The following PCDHA7 variants were observed in gnomAD, a reference collection of about 807,000 sequenced individuals.
PCDHA7 encodes the protein protocadherin alpha-7.
In PCDHA7, 37 loss-of-function variants were observed where a neutral mutation model predicts 57.2. That is an observed-to-expected ratio of 0.65 (90% CI 0.50 to 0.85). The LOEUF (loss-of-function observed/expected upper bound fraction) is 0.85. Ranked by LOEUF, PCDHA7 falls within the 40% of genes least tolerant of loss-of-function variation. The probability of loss-of-function intolerance (pLI) is 0.00; values close to 1 mark genes in which losing one functional copy is unlikely to be tolerated. For synonymous variants in PCDHA7, 553 were observed against 558.8 expected, an observed-to-expected ratio of 0.99 and a Z score of 0.15; for missense variants, 1,188 against 1,241.8, an observed-to-expected ratio of 0.96 and a Z score of 0.65.
At position 141,010,228 on chromosome 5, in the gene PCDHA7, C is replaced by T. The variant is rs1290626143; in HGVS notation, c.*291C>T. The stretch of plus-strand genomic sequence containing the variant: ...CCGCAAAGGAGAGGCTTCCCAGCCC[C>T]GCCAGTGAGAGGTTGGACTCTCTGC... On this transcript the variant is annotated 3_prime_UTR_variant, in exon 4 of 4. Coordinates refer to ENST00000525929, the MANE Select transcript of PCDHA7 (RefSeq NM_018910.3). 35 of 1,551,916 alleles carry T rather than the reference C, an allele frequency of 2.3e-5. No homozygotes were observed. The highest frequency in any genetic ancestry group is 2.8e-5 in the Non-Finnish European group (32 of 1,147,054).
rs991591970 is a variant in PCDHA7, at chr5:140,855,546, A to G, written c.2355+18808A>G. Reference sequence around the variant, plus strand: ...GAAAGAGAAGTAAGTTAAGTGTCAGAACTTAAATGGAACTAAAGTTGTCAT... The same window carrying G: ...GAAAGAGAAGTAAGTTAAGTGTCAGGACTTAAATGGAACTAAAGTTGTCAT... On this transcript the variant is annotated intron_variant, in intron 1 of 3. Coordinates refer to ENST00000525929, the MANE Select transcript of PCDHA7 (RefSeq NM_018910.3). Among the ~76,000 whole-genome samples the G allele has an allele frequency of 1.2e-4, 18 of 150,024 alleles. 2 individuals carry two copies. The highest frequency in any genetic ancestry group is 1.8e-4 in the Non-Finnish European group (12 of 67,114).
At chr5:140,979,175 A>C in intron 2 of PCDHA7, 168 bp downstream of exon 2, 8 of 951,628 alleles carry the variant, frequency 8.4e-6, no homozygotes, top group Non-Finnish European at 1.0e-5. Flanking sequence ...AAAGATCGCA[A>C]ATGGTCAGTG....
chr5:140,928,217 C>T, intron 1 of PCDHA7: 2 of 1,614,212 alleles, frequency 1.2e-6, no homozygotes, highest in Non-Finnish European at 1.7e-6. Flanking sequence ...AATGACAATA[C>T]ACCAAACTTT....
chr5:140,883,336 A>G, intron 1 of PCDHA7: 1 of 1,613,866 alleles, frequency 6.2e-7, no homozygotes, highest in Non-Finnish European at 8.5e-7. Flanking sequence ...CTTCTTTGTC[A>G]CTCCCCATCA....
chr5:140,947,551 C>G (rs1203978810), intron 1 of PCDHA7, among the ~76,000 whole-genome samples: 3 of 151,488 alleles, frequency 2.0e-5, no homozygotes, highest in Non-Finnish European at 4.4e-5. Context: ...AAGAATTCCG[C>G]TGGGATTTAT....
chr5:140,966,057 G>A (rs2153745793), intron 1 of PCDHA7, among the ~76,000 whole-genome samples: 1 of 152,318 alleles, frequency 6.6e-6, no homozygotes, highest in East Asian at 1.9e-4. Flanking sequence ...TAACCCCAGA[G>A]CGCCTCCCCC....
intron 1 of PCDHA7, among the ~76,000 whole-genome samples, chr5:140,887,378 G>C (rs1407679123): frequency 6.6e-6 from 1 of 152,176 alleles, no homozygotes; most frequent in East Asian, 1.9e-4. Flanking sequence ...TTACAGGTGT[G>C]AGCCACCGCG....
intron 1 of PCDHA7, among the ~76,000 whole-genome samples, chr5:140,963,206 A>C (rs988428405): frequency 2.0e-5 from 3 of 152,084 alleles, no homozygotes; most frequent in East Asian, 1.9e-4. Flanking sequence ...GAAAAAAAAA[A>C]CCTCGTGTTT....
intron 1 of PCDHA7, chr5:140,851,516 T>TA: frequency 2.2e-6 from 2 of 906,324 alleles, no homozygotes; most frequent in Non-Finnish European, 2.7e-6. Context: ...AAATATGTTT[T>TA]AAAATGCCTG....
intron 1 of PCDHA7, chr5:140,857,651 A>G (rs781834004): frequency 6.3e-7 from 1 of 1,596,558 alleles, no homozygotes; most frequent in South Asian, 1.1e-5. Context: ...GTTCCAGGTG[A>G]GCGCGCGCGA....
rs183895134 is a variant in PCDHA7, at chr5:140,837,381, G to A, written c.2355+643G>A. Among the ~76,000 whole-genome samples the A allele has an allele frequency of 4.0e-3, 608 of 151,774 alleles. 11 individuals carry two copies. Among genetic ancestry groups the A allele is most frequent in the African/African-American group, 0.014 (587 of 41,372 alleles). On this transcript the variant is annotated intron_variant, in intron 1 of 3. Transcript: ENST00000525929. ...GCAGTTTAATAGTATTTTTTATTTTGTTCCTTGTTTGTATAAGAAATATAT... is the reference window on the plus strand; with the variant it reads ...GCAGTTTAATAGTATTTTTTATTTTATTCCTTGTTTGTATAAGAAATATAT...
At chr5:140,877,193 G>A (rs1554169443) in intron 1 of PCDHA7, 1 of 1,613,832 alleles carries the variant, frequency 6.2e-7, no homozygotes, top group Non-Finnish European at 8.5e-7. Context: ...GGCAGCGCAG[G>A]AGGCGCAGTT....
intron 1 of PCDHA7, chr5:140,883,758 G>A (rs781858673): frequency 3.1e-6 from 5 of 1,612,920 alleles, no homozygotes; most frequent in South Asian, 1.1e-5. Context: ...CTGGTGGAGC[G>A]GCGGGTGGGC....
chr5:140,922,093 C>T (rs1037802949), intron 1 of PCDHA7, among the ~76,000 whole-genome samples: 6 of 151,986 alleles, frequency 3.9e-5, no homozygotes, highest in Middle Eastern at 3.4e-3. Flanking sequence ...GTATTTCTAC[C>T]AACTATAGAT....
intron 1 of PCDHA7, among the ~76,000 whole-genome samples, chr5:140,945,754 G>T (rs1206591237): frequency 1.3e-5 from 2 of 152,078 alleles, no homozygotes; most frequent in African/African-American, 4.8e-5. Context: ...TTCAATAAAT[G>T]GTGGTGGGAC....
At position 141,011,990 on chromosome 5, in the gene PCDHA7, T is replaced by C. The variant is rs1554263765; in HGVS notation, c.*2053T>C. On this transcript the variant is annotated 3_prime_UTR_variant, in exon 4 of 4. Transcript: ENST00000525929. ...ACTGTCTTGTCTACTTTTAGCTTCA[T>C]TCTCCCATATTTTGAAGGGTGTGTA... 1 of 153,772 alleles carries C rather than the reference T, an allele frequency of 6.5e-6. No homozygotes were observed. The highest frequency in any genetic ancestry group is 1.5e-5 in the Non-Finnish European group (1 of 68,038). 9.5% of individuals were successfully genotyped at this position (153,772 alleles called of 1,614,324 possible). A position where few individuals can be genotyped will look rare whatever the true frequency, so the allele number is the denominator to read the frequency against.
chr5:140,926,805 G>A, intron 1 of PCDHA7: 2 of 1,452,468 alleles, frequency 1.4e-6, no homozygotes, highest in Non-Finnish European at 9.0e-7. Flanking sequence ...GCTCTTCCCC[G>A]CGGCTCGTGC....
chr5:140,988,900 G>A (rs2097319351), intron 3 of PCDHA7: 1 of 152,194 alleles, frequency 6.6e-6, no homozygotes, highest in Admixed American at 6.5e-5. Context: ...ACATTTTAGA[G>A]GGTGTAGTGA....
rs782248457 is a variant in PCDHA7, at chr5:140,927,179, C to G, written c.2356-51770C>G. 8 of 1,614,050 alleles carry G rather than the reference C, an allele frequency of 5.0e-6. No individual in the cohort carries two copies. The South Asian group carries it at 8.8e-5, about 18-fold the overall frequency. ...AGGGCCAAAGCTGCCTGCGTCTTGA[C>G]CTACGACCTGGTGCTCGAGGACCCG... On this transcript the variant is annotated intron_variant, in intron 1 of 3. Transcript: ENST00000525929.
Sources: gnomAD v4.1 joint callset for allele counts (sites outside exome capture counted in the v4.1 genomes callset) on GRCh38, gnomAD v4.1.1 for gene constraint, MANE v1.5 for transcripts, NCBI Gene and HGNC (gene_info 2026-07-23, HGNC 2026-07-21) for gene names.